The following EBF1 variants were observed in gnomAD, a reference collection of about 807,000 sequenced individuals.
EBF1 encodes the protein transcription factor COE1.
Under a neutral mutation model 68.4 loss-of-function variants are expected in EBF1, and 10 were observed. The observed-to-expected ratio is 0.15, with a 90% confidence interval of 0.09 to 0.25. EBF1 has a LOEUF of 0.25. Among genes scored for constraint, EBF1 ranks in the 10% least tolerant of loss-of-function variants. The pLI is 1.00. For missense variants in EBF1, 509 were observed against 794.4 expected (o/e 0.64, Z 4.32); for synonymous variants, 298 against 299.8 (o/e 0.99, Z 0.06).
intron 6 of EBF1, among the ~76,000 whole-genome samples, chr5:158,918,328 T>G (rs775115282): frequency 1.3e-5 from 2 of 151,876 alleles, no homozygotes; most frequent in African/African-American, 2.4e-5. Flanking sequence ...ATCTCCTGGG[T>G]TGGGGAGGAG....
At chr5:158,700,943 G>T (rs1272905651) in intron 15 of EBF1, among the ~76,000 whole-genome samples, 1 of 152,126 alleles carries the variant, frequency 6.6e-6, no homozygotes, top group African/African-American at 2.4e-5. Flanking sequence ...AGATTCAAGT[G>T]AGCCCTAGGT....
At chr5:158,960,383 A>G (rs1041964170) in intron 6 of EBF1, among the ~76,000 whole-genome samples, 1 of 152,330 alleles carries the variant, frequency 6.6e-6, no homozygotes. Context: ...AGTGAAATCA[A>G]CAAAGAACTA....
chr5:159,020,272 CA>C (rs1426789694), intron 6 of EBF1, among the ~76,000 whole-genome samples: 4 of 151,966 alleles, frequency 2.6e-5, no homozygotes, highest in Admixed American at 1.3e-4. Flanking sequence ...GAATTCGGTG[CA>C]AAAAAATTTT....
chr5:159,010,492 C>G (rs192862124), intron 6 of EBF1, among the ~76,000 whole-genome samples: 1 of 152,230 alleles, frequency 6.6e-6, no homozygotes, highest in African/African-American at 2.4e-5. Flanking sequence ...TACTCCCCCC[C>G]AGAAGCATGA....
chr5:158,990,233 A>T (rs761888797), intron 6 of EBF1, among the ~76,000 whole-genome samples: 3 of 152,168 alleles, frequency 2.0e-5, no homozygotes, highest in Non-Finnish European at 4.4e-5. Context: ...GTGATGGAGC[A>T]CACTGTGGGG....
intron 8 of EBF1, among the ~76,000 whole-genome samples, chr5:158,806,569 A>G (rs985030596): frequency 5.9e-5 from 9 of 152,152 alleles, no homozygotes; most frequent in African/African-American, 2.2e-4. Context: ...TCACAAGTAC[A>G]GTTATTATAC....
chr5:158,710,288 T>C (rs1339131317), intron 14 of EBF1, among the ~76,000 whole-genome samples: 1 of 152,222 alleles, frequency 6.6e-6, no homozygotes, highest in Non-Finnish European at 1.5e-5. Flanking sequence ...GTCTGACAGA[T>C]GCAATCTCAG....
intron 15 of EBF1, among the ~76,000 whole-genome samples, chr5:158,702,525 T>TA: frequency 6.6e-6 from 1 of 151,972 alleles, no homozygotes; most frequent in Non-Finnish European, 1.5e-5. Flanking sequence ...ATATTTTTGA[T>TA]AAAAACAAAG....
chr5:158,756,541 C>T (rs1002868778), intron 10 of EBF1, among the ~76,000 whole-genome samples: 21 of 152,048 alleles, frequency 1.4e-4, no homozygotes, highest in African/African-American at 3.9e-4. Context: ...GAAGTATAAA[C>T]GTAATGGTTT....
chr5:158,907,116 G>C (rs1804816539), intron 6 of EBF1, among the ~76,000 whole-genome samples: 1 of 152,206 alleles, frequency 6.6e-6, no homozygotes, highest in Non-Finnish European at 1.5e-5. Flanking sequence ...CAGACTAAAA[G>C]TAATTATGGC....
chr5:159,065,677 A>G (rs769985620), intron 6 of EBF1, among the ~76,000 whole-genome samples: 26 of 152,050 alleles, frequency 1.7e-4, no homozygotes, highest in Non-Finnish European at 2.9e-4. Flanking sequence ...CAACCTTTAC[A>G]TGAACCAAAA....
At chr5:158,992,744 A>G (rs1455406794) in intron 6 of EBF1, among the ~76,000 whole-genome samples, 1 of 152,030 alleles carries the variant, frequency 6.6e-6, no homozygotes, top group Non-Finnish European at 1.5e-5. Flanking sequence ...CTTTGCATGT[A>G]ACTAAAAATT....
intron 5 of EBF1, among the ~76,000 whole-genome samples, chr5:159,078,912 C>A (rs1265105563): frequency 6.6e-6 from 1 of 152,186 alleles, no homozygotes; most frequent in East Asian, 1.9e-4. Context: ...CCTAAATATT[C>A]CCAGTCATGG....
chr5:158,886,285 G>A (rs770074816), intron 6 of EBF1, among the ~76,000 whole-genome samples: 3 of 152,224 alleles, frequency 2.0e-5, no homozygotes, highest in South Asian at 4.1e-4. Flanking sequence ...CCTTGCATTG[G>A]CAAATCAAAA....
chr5:158,973,947 G>T (rs1756190740), intron 6 of EBF1, among the ~76,000 whole-genome samples: 1 of 152,134 alleles, frequency 6.6e-6, no homozygotes, highest in African/African-American at 2.4e-5. Context: ...CTGAGGAAAT[G>T]CACAGACACC....
chr5:158,840,146 G>A (rs768940977), intron 6 of EBF1, 36 bp from the exon 7 acceptor site: 1 of 1,553,450 alleles, frequency 6.4e-7, no homozygotes, highest in South Asian at 1.1e-5. Context: ...TAGCATTTCG[G>A]TTTCTGACAC....
At chr5:158,839,502 C>T (rs1014711455) in intron 7 of EBF1, among the ~76,000 whole-genome samples, 1 of 152,146 alleles carries the variant, frequency 6.6e-6, no homozygotes, top group Non-Finnish European at 1.5e-5. Context: ...CCTACCTTAG[C>T]CTCCCGAGTA....
At chr5:158,750,052 T>C (rs1768453850) in intron 10 of EBF1, among the ~76,000 whole-genome samples, 1 of 152,122 alleles carries the variant, frequency 6.6e-6, no homozygotes, top group African/African-American at 2.4e-5. Context: ...AATCTAACAT[T>C]AATGCTCTGT....
chr5:159,094,194 A>AAAAAAAAAAAAAAAGT, intron 4 of EBF1, among the ~76,000 whole-genome samples: 1 of 130,034 alleles, frequency 7.7e-6, no homozygotes, highest in African/African-American at 3.1e-5. Flanking sequence ...AAAAAAAAAA[A>AAAAAAAAAAAAAAAGT]CACAGTGTCC....
Sources: allele counts gnomAD v4.1 joint callset (sites outside exome capture counted in the v4.1 genomes callset), GRCh38; gene constraint gnomAD v4.1.1; transcripts MANE v1.5; gene names NCBI Gene and HGNC (gene_info 2026-07-23, HGNC 2026-07-21).